HUWE1: variants seen among roughly 807,000 people sequenced by gnomAD.
HUWE1 encodes the protein E3 ubiquitin-protein ligase HUWE1.
Under a neutral mutation model 299.4 loss-of-function variants are expected in HUWE1, and 18 were observed. The ratio of observed to expected loss-of-function variants is 0.06; its 90% CI spans 0.04 to 0.09. The LOEUF (loss-of-function observed/expected upper bound fraction) is 0.09. Among genes scored for constraint, HUWE1 ranks in the 10% least tolerant of loss-of-function variants. The pLI is 1.00. For synonymous variants in HUWE1, 1,317 were observed against 1,286.1 expected, an observed-to-expected ratio of 1.02 and a Z score of -0.51; for missense variants, 1,832 against 3,462.3, an observed-to-expected ratio of 0.53 and a Z score of 11.82.
chrX:53,682,641 T>A (rs1316508528), intron 2 of HUWE1, among the ~76,000 whole-genome samples: 1 of 110,456 alleles, frequency 9.1e-6, no homozygotes, highest in African/African-American at 3.3e-5. Context: ...ATTCAGCTCC[T>A]GGAAAAGGAG....
intron 40 of HUWE1, 140 bp from the exon 41 acceptor site, chrX:53,584,485 G>GA (rs1251019899): frequency 3.8e-6 from 2 of 531,700 alleles, no homozygotes; most frequent in East Asian, 3.6e-5. Flanking sequence ...CATTTACAGA[G>GA]AAAAAACCTG....
chrX:53,603,523 C>A (rs1556993485), intron 26 of HUWE1, 22 bp from the exon 27 acceptor site: 1 of 1,202,411 alleles, frequency 8.3e-7, no homozygotes, highest in Non-Finnish European at 1.1e-6. Context: ...ACAAGAATTT[C>A]ACCTTTGGGA....
intron 19 of HUWE1, 70 bp from the exon 20 acceptor site, chrX:53,617,516 G>C: frequency 4.6e-6 from 3 of 652,567 alleles, no homozygotes; most frequent in Non-Finnish European, 7.4e-6. Context: ...AACACCAAAA[G>C]CTTAAAAAAA....
intron 70 of HUWE1, 85 bp from the exon 71 acceptor site, chrX:53,545,246 A>C: frequency 2.1e-6 from 2 of 943,910 alleles, no homozygotes; most frequent in Non-Finnish European, 3.0e-6. Flanking sequence ...ACACCTGCTT[A>C]GGCCACTCTT....
At chrX:53,658,521 A>G (rs2068852960) in intron 3 of HUWE1, among the ~76,000 whole-genome samples, 1 of 111,960 alleles carries the variant, frequency 8.9e-6, no homozygotes. Context: ...GAACAAATCA[A>G]TGGAACAGAA....
chrX:53,593,033 A>T (rs1459188736), intron 32 of HUWE1, among the ~76,000 whole-genome samples: 1 of 112,138 alleles, frequency 8.9e-6, no homozygotes, highest in Non-Finnish European at 1.9e-5. Flanking sequence ...GCCTCCCTAG[A>T]AGCCCAGCAG....
At chrX:53,608,980 C>T in intron 23 of HUWE1, 71 bp from the exon 24 acceptor site, 1 of 640,496 alleles carries the variant, frequency 1.6e-6, no homozygotes, top group Non-Finnish European at 2.7e-6. Context: ...GAGGAGGAGG[C>T]ACTGTATAAA....
At chrX:53,628,681 A>G in intron 14 of HUWE1, 61 bp from the exon 15 acceptor site, 1 of 1,204,062 alleles carries the variant, frequency 8.3e-7, no homozygotes, top group East Asian at 3.0e-5. Flanking sequence ...TTAAGCAGGC[A>G]GGATATTAAA....
intron 2 of HUWE1, among the ~76,000 whole-genome samples, chrX:53,681,102 A>T (rs1557053097): frequency 9.0e-6 from 1 of 110,899 alleles, no homozygotes; most frequent in East Asian, 2.8e-4. Flanking sequence ...TTGTTGCTAG[A>T]ATTAGTTAAA....
At chrX:53,565,886 C>T (rs1394042456) in intron 49 of HUWE1, among the ~76,000 whole-genome samples, 1 of 108,656 alleles carries the variant, frequency 9.2e-6, no homozygotes, top group Non-Finnish European at 1.9e-5. Context: ...CCCTCCTCGC[C>T]CGGCTGATAA....
chrX:53,664,832 G>T (rs1267374738), intron 3 of HUWE1, among the ~76,000 whole-genome samples: 1 of 111,221 alleles, frequency 9.0e-6, no homozygotes, highest in Non-Finnish European at 1.9e-5. Context: ...AGAGGAATAG[G>T]TGTCACTGAT....
chrX:53,628,093 A>C (rs2066634722), intron 15 of HUWE1, among the ~76,000 whole-genome samples: 1 of 111,241 alleles, frequency 9.0e-6, no homozygotes, highest in African/African-American at 3.3e-5. Flanking sequence ...ACTTTGCAGG[A>C]TTAAGTAAGA....
intron 29 of HUWE1, among the ~76,000 whole-genome samples, chrX:53,596,942 T>C (rs1405368330): frequency 3.6e-5 from 4 of 112,589 alleles, no homozygotes; most frequent in African/African-American, 1.3e-4. Flanking sequence ...TTGCTGCAGC[T>C]ACACCAGCAG....
chrX:53,662,526 C>G (rs1361083692), intron 3 of HUWE1, among the ~76,000 whole-genome samples: 4 of 111,810 alleles, frequency 3.6e-5, no homozygotes, highest in African/African-American at 1.3e-4. Context: ...TATTATAGCA[C>G]CCAGTTTATT....
chrX:53,540,044 C>A (rs2061270512), intron 74 of HUWE1, among the ~76,000 whole-genome samples: 1 of 112,275 alleles, frequency 8.9e-6, no homozygotes, highest in African/African-American at 3.2e-5. Flanking sequence ...GCGCTAGCCA[C>A]ATTTAAGGTG....
intron 2 of HUWE1, among the ~76,000 whole-genome samples, chrX:53,684,604 A>C (rs1230252754): frequency 8.9e-6 from 1 of 112,323 alleles, no homozygotes; most frequent in African/African-American, 3.2e-5. Context: ...CCAATTAGCC[A>C]AACTCCATTC....
chrX:53,679,487 G>A (rs1236927311), intron 3 of HUWE1, among the ~76,000 whole-genome samples: 2 of 112,071 alleles, frequency 1.8e-5, no homozygotes, highest in Non-Finnish European at 3.8e-5. Context: ...GGGGGCAGTG[G>A]TTAGAAGTAT....
At position 53,536,681 on chromosome X, in the gene HUWE1, C is replaced by G. The variant is rs1569400065; in HGVS notation, c.12138-14G>C. The G allele has an allele frequency of 8.3e-7, 1 of 1,201,812 alleles. No homozygotes were observed. The highest frequency in any genetic ancestry group is 2.2e-5 in the Admixed American group (1 of 45,852). The stretch of plus-strand genomic sequence containing the variant: ...AATACTATATACCTGCATAAGAAAG[C>G]AGAAGCAGAAAAGAGCTGTGCAGAA... On this transcript the variant is annotated splice_polypyrimidine_tract_variant and intron_variant, in intron 78 of 83. Coordinates refer to ENST00000262854, the MANE Select transcript of HUWE1 (RefSeq NM_031407.7).
At position 53,614,576 on chromosome X, in the gene HUWE1, C is replaced by T. The variant is rs1319222726; in HGVS notation, c.2219G>A (p.Ser740Asn). 8.3e-7 allele frequency: 1 copy of T among 1,210,681 alleles called. No individual in the cohort carries two copies. Among genetic ancestry groups the T allele is most frequent in the East Asian group, 3.0e-5 (1 of 33,808 alleles). Residue 740 changes from serine (S) to asparagine (N), a missense_variant, in exon 23 of 84, where the codon AGC (serine) becomes AAC (asparagine). This residue lies in a region of HUWE1 where 658 missense variants were observed against 1,282.6 expected (regional missense o/e 0.51). Transcript: ENST00000262854. The stretch of plus-strand genomic sequence containing the variant: ...TTCATTTTGCTGGGTAGAATTAAAG[C>T]TCTGCATGGCCTGTACTTCCTCTTC... Reference protein sequence around the residue: ...EEEEEVQAMQSFNSTQQNETE... With the variant: ...EEEEEVQAMQNFNSTQQNETE...
Sources: allele counts gnomAD v4.1 joint callset (sites outside exome capture counted in the v4.1 genomes callset), GRCh38; gene constraint gnomAD v4.1.1; regional missense constraint gnomAD v4.1.1; transcripts MANE v1.5; gene names NCBI Gene and HGNC (gene_info 2026-07-23, HGNC 2026-07-21).